Variants in DIP2B observed in about 807,000 individuals in gnomAD.
DIP2B encodes DIP2 acetate--CoA ligase B (putative).
A neutral mutation model predicts 198.0 loss-of-function variants in DIP2B; 76 were observed. The observed-to-expected ratio is 0.38, with a 90% CI of 0.32 to 0.46. The LOEUF (loss-of-function observed/expected upper bound fraction) is 0.46, where lower values mean the gene tolerates loss of function less well. Among genes scored for constraint, DIP2B ranks in the 20% least tolerant of loss-of-function variants. The probability of loss-of-function intolerance (pLI) is 0.99; values close to 1 mark genes in which losing one functional copy is unlikely to be tolerated. For synonymous variants in DIP2B, 701 were observed against 739.1 expected (o/e 0.95, Z 0.84); for missense variants, 1,559 against 1,978.4 (o/e 0.79, Z 4.02).
intron 1 of DIP2B, among the ~76,000 whole-genome samples, chr12:50,520,035 C>CTTTTTT (rs35179881): frequency 5.0e-5 from 5 of 100,596 alleles, no homozygotes; most frequent in Non-Finnish European, 9.7e-5. Context: ...ATTGAATCTC[C>CTTTTTT]TTTTTTTTTT....
intron 1 of DIP2B, among the ~76,000 whole-genome samples, chr12:50,573,429 G>A (rs12302812): frequency 0.043 from 6,588 of 152,278 alleles, 487 homozygotes; most frequent in African/African-American, 0.15. Context: ...ACCCTGGTCT[G>A]TAGCCACCTA....
At chr12:50,742,843 C>T (rs1195721964) in intron 37 of DIP2B, among the ~76,000 whole-genome samples, 1 of 151,966 alleles carries the variant, frequency 6.6e-6, no homozygotes, top group Non-Finnish European at 1.5e-5. Context: ...TTGCAATGGG[C>T]CAAGATTGCG....
At chr12:50,566,506 A>C (rs4768852) in intron 1 of DIP2B, among the ~76,000 whole-genome samples, 41,292 of 152,030 alleles carry the variant, frequency 0.27, 5,952 homozygotes, top group East Asian at 0.39. Flanking sequence ...GTTTTCCAAT[A>C]AATTTGGAAG....
Position 50,741,514 on chromosome 12 carries a change from C to T in DIP2B, c.4453C>T (p.Arg1485Trp), listed in dbSNP as rs760803687. 4 of 1,613,786 alleles carry T rather than the reference C, an allele frequency of 2.5e-6. No homozygotes were observed. Among genetic ancestry groups the T allele is most frequent in the South Asian group, 2.2e-5 (2 of 91,070 alleles). ...AATTGATATTGAGACCTCGGTGTCC[C>T]GGATCCACAGAAGCATTGCTGAATG... Reference protein sequence around the residue: ...HPIDIETSVSRIHRSIAECAV... With the variant: ...HPIDIETSVSWIHRSIAECAV... The change falls in exon 37 of 38, where the codon CGG becomes TGG. Residue 1485 changes from arginine to tryptophan, a missense_variant. Arg to Trp is a moderately radical substitution (Grantham distance 101). Coordinates refer to ENST00000301180, the MANE Select transcript of DIP2B (RefSeq NM_173602.3).
At position 50,674,518 on chromosome 12, in the gene DIP2B, T is replaced by A. The variant is rs1938911020; in HGVS notation, c.685T>A (p.Ser229Thr). 1.2e-6 allele frequency: 2 copies of A among 1,614,224 alleles called. No individual in the cohort carries two copies. Among genetic ancestry groups the A allele is most frequent in the Non-Finnish European group, 1.7e-6 (2 of 1,180,020 alleles). ...PPDVTTTTSS[S>T]SSSSSIRPAN... ...TGATGTCACTACAACTACCTCTTCC[T>A]CCTCATCATCTTCCTCAATTCGCCC... Residue 229 changes from serine to threonine, a missense_variant, in exon 6 of 38, where the codon TCC (serine) becomes ACC (threonine). Transcript: ENST00000301180.
intron 1 of DIP2B, among the ~76,000 whole-genome samples, chr12:50,578,455 G>A (rs539852743): frequency 3.3e-5 from 5 of 151,192 alleles, no homozygotes; most frequent in East Asian, 1.9e-4. Flanking sequence ...AAAAAACCAC[G>A]CCTGGCCCTA....
Position 50,603,134 on chromosome 12 carries a change from A to C in DIP2B, c.101-22842A>C, listed in dbSNP as rs189219968. On this transcript the variant is annotated intron_variant, in intron 1 of 37. Transcript: ENST00000301180. ...AGCCGAGGTTCGGCCACTGCACTCC[A>C]GCCTGGGCGACAGAGCGAGACTCTG... is the stretch of plus-strand genomic sequence containing the variant. Among the ~76,000 whole-genome samples the C allele has an allele frequency of 8.3e-3, 1,261 of 151,886 alleles. 45 individuals carry two copies. In the East Asian group the frequency reaches 0.12, roughly 14 times the overall value.
At chr12:50,540,534 G>T (rs1958314074) in intron 1 of DIP2B, among the ~76,000 whole-genome samples, 1 of 148,934 alleles carries the variant, frequency 6.7e-6, no homozygotes, top group Non-Finnish European at 1.5e-5. Flanking sequence ...AGGACATTAT[G>T]ATTAAAAAAA....
intron 4 of DIP2B, among the ~76,000 whole-genome samples, chr12:50,664,250 T>C (rs1294897495): frequency 6.6e-6 from 1 of 152,208 alleles, no homozygotes; most frequent in East Asian, 1.9e-4. Context: ...TATCATATAG[T>C]CTGGAAAATA....
chr12:50,643,298 T>G (rs1380852571), intron 3 of DIP2B, among the ~76,000 whole-genome samples: 2 of 152,068 alleles, frequency 1.3e-5, no homozygotes, highest in African/African-American at 2.4e-5. Flanking sequence ...TTAGAAAGCG[T>G]ATGCTGTGGA....
intron 1 of DIP2B, among the ~76,000 whole-genome samples, chr12:50,553,988 T>C (rs1958448064): frequency 6.6e-6 from 1 of 152,178 alleles, no homozygotes; most frequent in African/African-American, 2.4e-5. Context: ...TACTGAAATT[T>C]TATTTAATAG....
At chr12:50,654,955 G>T (rs1240431990) in intron 3 of DIP2B, 1 of 442,848 alleles carries the variant, frequency 2.3e-6, no homozygotes, top group African/African-American at 2.0e-5. Flanking sequence ...ACTGTTTTGG[G>T]GGAGGAATTT....
chr12:50,615,264 T>C (rs1368052615), intron 1 of DIP2B, among the ~76,000 whole-genome samples: 15 of 152,102 alleles, frequency 9.9e-5, no homozygotes, highest in Non-Finnish European at 1.5e-5. Flanking sequence ...CCCCCGCCAT[T>C]TCTTTTTTTT....
Position 50,687,899 on chromosome 12 carries a change from T to TAA in DIP2B, c.1551+1231_1551+1232dup, listed in dbSNP as rs546984188. ...GTGTCCCAGAACTTAAAAGTAAAAT[T>TAA]AAAAAAAAAAAAAAATAGAAAAGAG... is the stretch of plus-strand genomic sequence containing the variant. On this transcript the variant is annotated intron_variant, in intron 12 of 37. Transcript: ENST00000301180. 1.0e-3 allele frequency among the ~76,000 whole-genome samples: 140 copies of TAA among 133,604 alleles called. 2 individuals carry two copies. The highest frequency in any genetic ancestry group is 3.3e-3 in the African/African-American group (119 of 36,262). 87.6% of individuals were successfully genotyped at this position (133,604 alleles called of 152,430 possible).
rs765204962 is a variant in DIP2B, at chr12:50,671,341, G to A, written c.583G>A (p.Gly195Arg). 10 of 1,613,978 alleles carry A rather than the reference G, an allele frequency of 6.2e-6. No homozygotes were observed. Among genetic ancestry groups the A allele is most frequent in the Non-Finnish European group, 8.5e-6 (10 of 1,180,024 alleles). The change falls in exon 5 of 38, where the codon GGA becomes AGA. Residue 195 changes from glycine (G) to arginine (R), a missense_variant. By Grantham distance (125) the Gly-to-Arg change is moderately radical (BLOSUM62 -2). Coordinates refer to ENST00000301180, the MANE Select transcript of DIP2B (RefSeq NM_173602.3). ...ATCCGCATCTTCTACGCTGTCCCAC[G>A]GAGAGGTCAAAGGAACCAGTGGGTC... ...SSSASSTLSH[G>R]EVKGTSGSLA...
intron 1 of DIP2B, among the ~76,000 whole-genome samples, chr12:50,602,423 T>G (rs1282411466): frequency 6.6e-6 from 1 of 152,086 alleles, no homozygotes; most frequent in East Asian, 1.9e-4. Context: ...CACACACCAC[T>G]GTGGCTGGCT....
chr12:50,578,344 C>CT (rs901350688), intron 1 of DIP2B, among the ~76,000 whole-genome samples: 17 of 139,598 alleles, frequency 1.2e-4, no homozygotes, highest in Non-Finnish European at 1.6e-4. Context: ...ACCCGTACAT[C>CT]TTTTTTTTGT....
intron 1 of DIP2B, among the ~76,000 whole-genome samples, chr12:50,614,842 TGTGG>T (rs1937665238): frequency 2.0e-5 from 3 of 152,364 alleles, no homozygotes; most frequent in African/African-American, 7.2e-5. Flanking sequence ...ATCCCCATGC[TGTGG>T]CAGTGGCAGT....
intron 1 of DIP2B, among the ~76,000 whole-genome samples, chr12:50,623,704 C>T (rs911203364): frequency 2.0e-5 from 3 of 152,164 alleles, no homozygotes; most frequent in African/African-American, 4.8e-5. Flanking sequence ...GCCTTTTACA[C>T]GTAATGTATT....
Sources: gnomAD v4.1 joint callset for allele counts (sites outside exome capture counted in the v4.1 genomes callset) on GRCh38, gnomAD v4.1.1 for gene constraint, MANE v1.5 for transcripts, NCBI Gene and HGNC (gene_info 2026-07-23, HGNC 2026-07-21) for gene names.